SHISA9: variants seen among roughly 807,000 people sequenced by gnomAD.
SHISA9 encodes protein shisa-9.
SHISA9 carries 13 observed loss-of-function variants against 38.0 expected under a neutral mutation model. The ratio of observed to expected loss-of-function variants is 0.34; its 90% confidence interval spans 0.22 to 0.54. The LOEUF (loss-of-function observed/expected upper bound fraction) is 0.54. Among genes scored for constraint, SHISA9 ranks in the 20% least tolerant of loss-of-function variants. SHISA9 has a pLI of 0.91. For synonymous variants in SHISA9, 275 were observed against 242.0 expected, an observed-to-expected ratio of 1.14 and a Z score of -1.27; for missense variants, 538 against 575.8, an observed-to-expected ratio of 0.93 and a Z score of 0.67.
the SHISA9 span, among the ~76,000 whole-genome samples, chr16:13,375,237 G>A: frequency 6.6e-6 from 1 of 152,286 alleles, no homozygotes; most frequent in African/African-American, 2.4e-5. Context: ...CAGTCATGAA[G>A]TCCTTTCCCA....
At chr16:13,156,278 TG>T (rs1457429129) in intron 2 of SHISA9, among the ~76,000 whole-genome samples, 3 of 152,160 alleles carry the variant, frequency 2.0e-5, no homozygotes, top group African/African-American at 7.2e-5. Context: ...CAATGACCAC[TG>T]TGAGGATTAA....
At chr16:13,328,674 C>T in the SHISA9 span, among the ~76,000 whole-genome samples, 3 of 151,752 alleles carry the variant, frequency 2.0e-5, no homozygotes, top group African/African-American at 7.3e-5. Context: ...GATTTTGCCA[C>T]GTTGGCCAGG....
the SHISA9 span, among the ~76,000 whole-genome samples, chr16:13,516,797 C>CCAA: frequency 6.9e-6 from 1 of 144,310 alleles, no homozygotes; most frequent in African/African-American, 2.6e-5. Context: ...GATTCCATCC[C>CCAA]AAAAAAAAAA....
At chr16:13,512,492 T>G in the SHISA9 span, among the ~76,000 whole-genome samples, 1 of 152,088 alleles carries the variant, frequency 6.6e-6, no homozygotes, top group African/African-American at 2.4e-5. Flanking sequence ...TTCACAGAAT[T>G]AGAAAAAACT....
chr16:13,314,478 G>A, the SHISA9 span, among the ~76,000 whole-genome samples: 2 of 151,958 alleles, frequency 1.3e-5, no homozygotes, highest in African/African-American at 4.8e-5. Flanking sequence ...GACCTTTGGT[G>A]ATCCTCCCAC....
At chr16:13,430,769 A>T in the SHISA9 span, among the ~76,000 whole-genome samples, 1 of 151,110 alleles carries the variant, frequency 6.6e-6, no homozygotes, top group Non-Finnish European at 1.5e-5. Context: ...TTTTGTTTTG[A>T]TTAGCTGAGG....
At chr16:13,180,121 A>G (rs2050764688) in intron 2 of SHISA9, among the ~76,000 whole-genome samples, 1 of 152,246 alleles carries the variant, frequency 6.6e-6, no homozygotes, top group South Asian at 2.1e-4. Context: ...GACATTTACA[A>G]TGTACGTGGA....
the SHISA9 span, among the ~76,000 whole-genome samples, chr16:13,275,153 T>G: frequency 6.6e-6 from 1 of 152,144 alleles, no homozygotes; most frequent in Admixed American, 6.6e-5. Flanking sequence ...GTGTGGTAAC[T>G]GATGAGTTAG....
chr16:13,523,895 G>A, the SHISA9 span, among the ~76,000 whole-genome samples: 1 of 152,170 alleles, frequency 6.6e-6, no homozygotes, highest in African/African-American at 2.4e-5. Context: ...TGTTTTAGGA[G>A]CTGTATATGC....
intron 2 of SHISA9, among the ~76,000 whole-genome samples, chr16:12,984,363 C>G (rs1048496947): frequency 1.8e-4 from 28 of 152,180 alleles, no homozygotes; most frequent in African/African-American, 6.8e-4. Context: ...CTGCCTTTTA[C>G]TTTACCCCCA....
At chr16:13,091,013 G>C (rs757323490) in intron 2 of SHISA9, among the ~76,000 whole-genome samples, 1 of 152,152 alleles carries the variant, frequency 6.6e-6, no homozygotes, top group Non-Finnish European at 1.5e-5. Flanking sequence ...AAATCTCTGA[G>C]CATTGGCTTG....
chr16:13,224,055 C>T (rs929898539), intron 4 of SHISA9, among the ~76,000 whole-genome samples: 7 of 152,186 alleles, frequency 4.6e-5, no homozygotes, highest in African/African-American at 1.4e-4. Flanking sequence ...ATGGTAACAC[C>T]TACCTCATTA....
intron 2 of SHISA9, among the ~76,000 whole-genome samples, chr16:12,923,018 G>A (rs1323046036): frequency 6.7e-6 from 1 of 149,752 alleles, no homozygotes; most frequent in Non-Finnish European, 1.5e-5. Context: ...TGTAGAAATG[G>A]GTCTCACCAA....
chr16:12,958,469 A>G (rs148540296), intron 2 of SHISA9, among the ~76,000 whole-genome samples: 2 of 152,256 alleles, frequency 1.3e-5, no homozygotes, highest in East Asian at 3.9e-4. Context: ...GCCAGGAGGA[A>G]ATTTGCCCAG....
chr16:13,422,223 G>T, the SHISA9 span, among the ~76,000 whole-genome samples: 5 of 152,352 alleles, frequency 3.3e-5, no homozygotes, highest in Admixed American at 3.3e-4. Flanking sequence ...CTCCAAGGAT[G>T]TAACAGGCTT....
At chr16:13,446,968 A>G in the SHISA9 span, among the ~76,000 whole-genome samples, 3 of 145,068 alleles carry the variant, frequency 2.1e-5, no homozygotes, top group Admixed American at 2.1e-4. Flanking sequence ...TAACAGAGCG[A>G]AACTCCATCT....
chr16:13,342,390 C>T, the SHISA9 span, among the ~76,000 whole-genome samples: 71 of 152,196 alleles, frequency 4.7e-4, no homozygotes, highest in African/African-American at 1.6e-3. Flanking sequence ...TGGGTTCAAG[C>T]GATCCTCCTG....
At chr16:13,533,728 C>T in the SHISA9 span, among the ~76,000 whole-genome samples, 1 of 152,066 alleles carries the variant, frequency 6.6e-6, no homozygotes, top group Non-Finnish European at 1.5e-5. Context: ...ATCAATTTCC[C>T]CCTCTTTGTG....
chr16:13,450,762 GTGTTGTTGTTTTGT>G, the SHISA9 span, among the ~76,000 whole-genome samples: 7 of 152,076 alleles, frequency 4.6e-5, no homozygotes, highest in Non-Finnish European at 2.9e-5. Flanking sequence ...CTCAAAATCT[GTGTTGTTGTTTTGT>G]TGTTGTTGTT....
Sources: allele counts gnomAD v4.1 joint callset (sites outside exome capture counted in the v4.1 genomes callset), GRCh38; gene constraint gnomAD v4.1.1; transcripts MANE v1.5; gene names NCBI Gene and HGNC (gene_info 2026-07-23, HGNC 2026-07-21).